PAK5: variants seen among roughly 807,000 people sequenced by gnomAD.
PAK5 encodes the protein serine/threonine-protein kinase PAK 5.
A neutral mutation model predicts 65.9 loss-of-function variants in PAK5; 16 were observed. The observed-to-expected ratio is 0.24, with a 90% confidence interval of 0.16 to 0.37. The LOEUF is 0.37. PAK5 is among the 10% of genes least tolerant of loss of function. The probability of loss-of-function intolerance (pLI) is 1.00; values close to 1 mark genes in which losing one functional copy is unlikely to be tolerated. For synonymous variants in PAK5, 371 were observed against 354.9 expected, an observed-to-expected ratio of 1.05 and a Z score of -0.51; for missense variants, 785 against 903.9, an observed-to-expected ratio of 0.87 and a Z score of 1.69.
chr20:9,561,194 T>A (rs1396611375), intron 6 of PAK5, among the ~76,000 whole-genome samples: 1 of 152,078 alleles, frequency 6.6e-6, no homozygotes, highest in African/African-American at 2.4e-5. Flanking sequence ...CAATCCTGGA[T>A]GAGAAAATTA....
intron 1 of PAK5, among the ~76,000 whole-genome samples, chr20:9,714,824 G>C (rs2048122712): frequency 6.6e-6 from 1 of 152,076 alleles, no homozygotes; most frequent in African/African-American, 2.4e-5. Flanking sequence ...AATGGTGCTG[G>C]GAAAACTGGC....
At chr20:9,559,395 C>T (rs2045559737) in intron 6 of PAK5, among the ~76,000 whole-genome samples, 1 of 152,080 alleles carries the variant, frequency 6.6e-6, no homozygotes, top group African/African-American at 2.4e-5. Flanking sequence ...TTAGTTGATG[C>T]TAGAAAATCC....
intron 3 of PAK5, among the ~76,000 whole-genome samples, chr20:9,631,283 G>C (rs774243423): frequency 6.6e-6 from 1 of 152,156 alleles, no homozygotes; most frequent in Non-Finnish European, 1.5e-5. Flanking sequence ...ATATGGTAAA[G>C]GTAAGAGGCT....
In PAK5 at chr20:9,838,205, G is replaced by GCACACACACACACACGCGCGCA. The variant is rs1555935666; in HGVS notation, c.-162+556_-162+557insTGCGCGCGTGTGTGTGTGTGTG. On this transcript the variant is annotated intron_variant, in intron 1 of 9. Coordinates refer to ENST00000353224, the MANE Select transcript of PAK5 (RefSeq NM_177990.4). The surrounding 1 kb of genome is among the most constrained non-coding windows in gnomAD (Gnocchi z 4.5). ...GGCGCGCGCGCACACACACACGCGCGCACACACACACACACACAAATAACA... is the reference window on the plus strand; with the variant it reads ...GGCGCGCGCGCACACACACACGCGCGCACACACACACACACGCGCGCACACACACACACACACACAAATAACA... 6.6e-6 allele frequency among the ~76,000 whole-genome samples: 1 copy of GCACACACACACACACGCGCGCA among 150,482 alleles called. No individual in the cohort carries two copies. Among genetic ancestry groups the GCACACACACACACACGCGCGCA allele is most frequent in the African/African-American group, 2.4e-5 (1 of 40,862 alleles).
At chr20:9,601,626 A>G (rs1440072499) in intron 3 of PAK5, among the ~76,000 whole-genome samples, 1 of 152,082 alleles carries the variant, frequency 6.6e-6, no homozygotes, top group Non-Finnish European at 1.5e-5. Flanking sequence ...TCTGCATGTG[A>G]CTTTTTAAGA....
intron 1 of PAK5, among the ~76,000 whole-genome samples, chr20:9,787,423 A>G (rs529967484): frequency 1.2e-3 from 186 of 152,260 alleles, no homozygotes; most frequent in Non-Finnish European, 2.4e-3. Context: ...ACTTCTAGCA[A>G]ACCTCTGCTT....
chr20:9,641,035 T>C (rs2047051967), intron 3 of PAK5, among the ~76,000 whole-genome samples: 1 of 152,218 alleles, frequency 6.6e-6, no homozygotes, highest in Non-Finnish European at 1.5e-5. Flanking sequence ...ACCCACATCC[T>C]GCTGATTGGT....
At chr20:9,755,854 G>GT (rs1804157782) in intron 1 of PAK5, among the ~76,000 whole-genome samples, 1 of 152,202 alleles carries the variant, frequency 6.6e-6, no homozygotes, top group African/African-American at 2.4e-5. Flanking sequence ...TCTGATTAAA[G>GT]TAAGATGGCA....
At chr20:9,672,722 ATCC>A (rs2047517040) in intron 2 of PAK5, among the ~76,000 whole-genome samples, 2 of 152,154 alleles carry the variant, frequency 1.3e-5, no homozygotes, top group Admixed American at 1.3e-4. Context: ...CACTCAGTAA[ATCC>A]TAAAAAGCAA....
At chr20:9,762,473 A>G (rs1119413) in intron 1 of PAK5, among the ~76,000 whole-genome samples, 81,580 of 151,900 alleles carry the variant, frequency 0.54, 22,502 homozygotes, top group African/African-American at 0.64. Flanking sequence ...CTGAACAGAT[A>G]TATCTCCACA....
intron 1 of PAK5, among the ~76,000 whole-genome samples, chr20:9,761,771 C>T (rs2123649516): frequency 6.6e-6 from 1 of 152,276 alleles, no homozygotes; most frequent in South Asian, 2.1e-4. Flanking sequence ...ATCATCTATA[C>T]ATCTCTTGTA....
intron 1 of PAK5, among the ~76,000 whole-genome samples, chr20:9,734,914 G>A (rs931829259): frequency 1.5e-4 from 23 of 152,302 alleles, no homozygotes; most frequent in African/African-American, 5.3e-4. Flanking sequence ...TTTCCCTGTG[G>A]CTGACTCAGA....
At chr20:9,618,915 GTTTT>G (rs150725498) in intron 3 of PAK5, among the ~76,000 whole-genome samples, 91 of 18,806 alleles carry the variant, frequency 4.8e-3, no homozygotes, top group African/African-American at 0.019. Context: ...TCTTTCTTTC[GTTTT>G]TTTTTTTTTT....
intron 2 of PAK5, among the ~76,000 whole-genome samples, chr20:9,688,314 A>G (rs972897071): frequency 1.3e-5 from 2 of 151,996 alleles, no homozygotes; most frequent in African/African-American, 4.8e-5. Context: ...TGCCTCCCCA[A>G]CACCACGCAC....
intron 3 of PAK5, among the ~76,000 whole-genome samples, chr20:9,585,293 T>G (rs1328748474): frequency 6.6e-6 from 1 of 152,186 alleles, no homozygotes; most frequent in Non-Finnish European, 1.5e-5. Flanking sequence ...CTAGGTCACC[T>G]CTTCTTTTTA....
chr20:9,694,771 C>T (rs904217973), intron 2 of PAK5, among the ~76,000 whole-genome samples: 2 of 151,970 alleles, frequency 1.3e-5, no homozygotes, highest in African/African-American at 4.8e-5. Flanking sequence ...CATGACTATA[C>T]CATAATTTGT....
chr20:9,774,533 A>G (rs933450292), intron 1 of PAK5, among the ~76,000 whole-genome samples: 1 of 152,200 alleles, frequency 6.6e-6, no homozygotes, highest in African/African-American at 2.4e-5. Context: ...ATTGATCCCA[A>G]AGAAAAAATG....
intron 2 of PAK5, among the ~76,000 whole-genome samples, chr20:9,645,180 A>C (rs1459130830): frequency 1.3e-5 from 2 of 152,174 alleles, no homozygotes; most frequent in African/African-American, 4.8e-5. Flanking sequence ...CAGGGGAAGA[A>C]GGCAGGGAGG....
intron 3 of PAK5, among the ~76,000 whole-genome samples, chr20:9,586,255 A>G (rs2046067787): frequency 6.6e-6 from 1 of 152,204 alleles, no homozygotes; most frequent in Non-Finnish European, 1.5e-5. Flanking sequence ...GGTAATTTAG[A>G]AGGAAAAAAA....
Sources: allele counts gnomAD v4.1 joint callset (sites outside exome capture counted in the v4.1 genomes callset), GRCh38; gene constraint gnomAD v4.1.1; non-coding constraint Gnocchi (gnomAD v3.1); transcripts MANE v1.5; gene names NCBI Gene and HGNC (gene_info 2026-07-23, HGNC 2026-07-21).